ATP8B4: variants seen among roughly 807,000 people sequenced by gnomAD.
ATP8B4 encodes probable phospholipid-transporting ATPase IM.
ATP8B4 carries 133 observed loss-of-function variants against 145.6 expected under a neutral mutation model. The observed-to-expected ratio is 0.91, with a 90% CI of 0.79 to 1.05. ATP8B4 has a LOEUF of 1.05. ATP8B4 is among the 50% of genes least tolerant of loss of function. ATP8B4 has a pLI of 0.00. For missense variants in ATP8B4, 1,458 were observed against 1,425.2 expected (o/e 1.02, Z -0.37); for synonymous variants, 507 against 492.9 (o/e 1.03, Z -0.38).
chr15:50,082,511 C>A (rs937399950), intron 2 of ATP8B4, among the ~76,000 whole-genome samples: 1 of 152,170 alleles, frequency 6.6e-6, no homozygotes, highest in African/African-American at 2.4e-5. Context: ...TCATCAGATC[C>A]AGATAGTTGG....
intron 7 of ATP8B4, among the ~76,000 whole-genome samples, chr15:50,003,112 T>A (rs1376987904): frequency 6.6e-6 from 1 of 152,232 alleles, no homozygotes; most frequent in Non-Finnish European, 1.5e-5. Flanking sequence ...TAGCTATGTC[T>A]GAATGTATGA....
chr15:50,037,692 G>T (rs535413160), intron 6 of ATP8B4, among the ~76,000 whole-genome samples: 2 of 152,182 alleles, frequency 1.3e-5, no homozygotes, highest in South Asian at 2.1e-4. Flanking sequence ...AACCATGGGG[G>T]TCCAGGCACC....
intron 13 of ATP8B4, among the ~76,000 whole-genome samples, chr15:49,964,569 T>C (rs1015320894): frequency 6.6e-6 from 1 of 152,194 alleles, no homozygotes; most frequent in Non-Finnish European, 1.5e-5. Context: ...TTCTGAAACA[T>C]TGAGTGCTTT....
In ATP8B4 at chr15:49,996,739, C is replaced by T. The variant is rs550588980; in HGVS notation, c.527G>A (p.Arg176His). The T allele has an allele frequency of 2.0e-5, 32 of 1,610,070 alleles. No individual in the cohort carries two copies. Among genetic ancestry groups the T allele is most frequent in the East Asian group, 4.5e-5 (2 of 44,666 alleles). Residue 176 changes from arginine to histidine, a missense_variant, in exon 9 of 28, where the codon CGC becomes CAC. Coordinates refer to ENST00000284509, the MANE Select transcript of ATP8B4 (RefSeq NM_024837.4). Reference sequence around the variant, plus strand: ...TTCTGAAGTAACTGATAGTGCATGGCGGACTTTTAGGTTCGTTTCCCTGTG... The same window carrying T: ...TTCTGAAGTAACTGATAGTGCATGGTGGACTTTTAGGTTCGTTTCCCTGTG... ...ELDGETNLKV[R>H]HALSVTSELG...
At chr15:50,170,107 G>C (rs1293011522) in intron 1 of ATP8B4, among the ~76,000 whole-genome samples, 1 of 152,088 alleles carries the variant, frequency 6.6e-6, no homozygotes, top group Non-Finnish European at 1.5e-5. Context: ...AAATATATTT[G>C]GGGGAATAAT....
At chr15:49,994,757 T>C (rs1028484210) in intron 9 of ATP8B4, among the ~76,000 whole-genome samples, 4 of 152,042 alleles carry the variant, frequency 2.6e-5, no homozygotes, top group African/African-American at 9.7e-5. Context: ...CCTTATGCAT[T>C]ATCCTGGCAT....
chr15:50,065,563 C>A (rs564217599), intron 3 of ATP8B4, among the ~76,000 whole-genome samples: 2 of 152,204 alleles, frequency 1.3e-5, no homozygotes, highest in African/African-American at 2.4e-5. Flanking sequence ...TTTCATGAAC[C>A]ATTTGCCAAC....
chr15:50,081,620 TTCCTAAAAA>T (rs1420590178), intron 2 of ATP8B4, among the ~76,000 whole-genome samples: 2 of 152,214 alleles, frequency 1.3e-5, no homozygotes, highest in African/African-American at 4.8e-5. Context: ...TTACAACCTC[TTCCTAAAAA>T]TCAGTTTGTG....
At chr15:50,147,347 C>T (rs1030914523) in intron 1 of ATP8B4, among the ~76,000 whole-genome samples, 2 of 145,444 alleles carry the variant, frequency 1.4e-5, no homozygotes, top group African/African-American at 5.2e-5. Context: ...ACTGGGGAGG[C>T]GGAGGTTGCA....
intron 14 of ATP8B4, among the ~76,000 whole-genome samples, chr15:49,935,146 C>T (rs1416031666): frequency 6.6e-6 from 1 of 151,884 alleles, no homozygotes; most frequent in Non-Finnish European, 1.5e-5. Flanking sequence ...CATGTAGGTC[C>T]TTTGTTCCTT....
chr15:49,995,616 C>G (rs2047360551), intron 9 of ATP8B4, among the ~76,000 whole-genome samples: 1 of 152,098 alleles, frequency 6.6e-6, no homozygotes, highest in South Asian at 2.1e-4. Flanking sequence ...AATAGGAGCT[C>G]TAAGCTCTGC....
intron 1 of ATP8B4, among the ~76,000 whole-genome samples, chr15:50,171,822 T>C (rs962769699): frequency 4.0e-5 from 6 of 151,654 alleles, no homozygotes; most frequent in African/African-American, 1.2e-4. Flanking sequence ...ATTAGGAAGA[T>C]TAACCAAAAA....
chr15:50,099,049 T>C (rs1379018140), intron 2 of ATP8B4, among the ~76,000 whole-genome samples: 1 of 152,076 alleles, frequency 6.6e-6, no homozygotes, highest in African/African-American at 2.4e-5. Flanking sequence ...ACAGCCCCGG[T>C]CTGATTCATC....
intron 21 of ATP8B4, among the ~76,000 whole-genome samples, chr15:49,899,691 A>G (rs2037810015): frequency 6.6e-6 from 1 of 152,276 alleles, no homozygotes; most frequent in African/African-American, 2.4e-5. Flanking sequence ...AGACTCTGAG[A>G]AAAAACAAAG....
chr15:50,117,077 G>C (rs1000589175), intron 1 of ATP8B4, among the ~76,000 whole-genome samples: 1 of 151,094 alleles, frequency 6.6e-6, no homozygotes, highest in Non-Finnish European at 1.5e-5. Flanking sequence ...TGGAGACAGA[G>C]TCTCGCTCTG....
chr15:49,936,921 A>ATT (rs1040943002), intron 14 of ATP8B4, among the ~76,000 whole-genome samples: 1 of 145,280 alleles, frequency 6.9e-6, no homozygotes, highest in Non-Finnish European at 1.5e-5. Flanking sequence ...GTTTGTCAAG[A>ATT]TTTTTTTTTT....
chr15:50,053,561 T>C (rs1254772417), intron 3 of ATP8B4, among the ~76,000 whole-genome samples: 3 of 152,236 alleles, frequency 2.0e-5, no homozygotes, highest in African/African-American at 7.2e-5. Flanking sequence ...TACAGTTTCC[T>C]TGGATTCTCT....
Position 49,923,488 on chromosome 15 carries a change from T to C in ATP8B4, c.1649A>G (p.Asn550Ser). Residue 550 changes from asparagine to serine, a missense_variant, in exon 17 of 28, where the codon AAC becomes AGC. Coordinates refer to ENST00000284509, the MANE Select transcript of ATP8B4 (RefSeq NM_024837.4). ...ATAAAGCTTTATCTGTCCTTCTGGG[T>C]TTCGAACTGAAAAGAAAAAAGTTTG... ...TRKRMSVIVRNPEGQIKLYSK... is the reference protein window; with the variant it reads ...TRKRMSVIVRSPEGQIKLYSK... 1 of 1,591,732 alleles carries C rather than the reference T, an allele frequency of 6.3e-7. No individual in the cohort carries two copies. The highest frequency in any genetic ancestry group is 8.5e-7 in the Non-Finnish European group (1 of 1,171,550).
intron 14 of ATP8B4, among the ~76,000 whole-genome samples, chr15:49,960,170 G>T (rs761824451): frequency 5.9e-5 from 9 of 151,878 alleles, no homozygotes; most frequent in Non-Finnish European, 1.3e-4. Flanking sequence ...TGGGACTATA[G>T]GCACCACCAC....
Sources: gnomAD v4.1 joint callset for allele counts (sites outside exome capture counted in the v4.1 genomes callset) on GRCh38, gnomAD v4.1.1 for gene constraint, MANE v1.5 for transcripts, NCBI Gene and HGNC (gene_info 2026-07-23, HGNC 2026-07-21) for gene names.